Variants in ADGRD2 observed in about 807,000 individuals in gnomAD.
ADGRD2 encodes G protein-coupled receptor PGR24.
In ADGRD2, 71 loss-of-function variants were observed where a neutral mutation model predicts 44.4. The observed-to-expected ratio is 1.60, with a 90% CI of 1.32 to 1.95. The LOEUF is 1.95. ADGRD2 is among the 30% of genes most tolerant of loss of function. The pLI is 0.00. For synonymous variants in ADGRD2, 481 were observed against 224.8 expected, an observed-to-expected ratio of 2.14 and a Z score of -10.19; for missense variants, 1,039 against 512.4, an observed-to-expected ratio of 2.03 and a Z score of -9.92.
At chr9:124,453,869 C>CA in intron 3 of ADGRD2, 130 bp from the exon 7 acceptor site, 1 of 598,316 alleles carries the variant, frequency 1.7e-6, no homozygotes, top group Non-Finnish European at 3.0e-6. Context: ...CCCCGGCCCC[C>CA]TTACCCCCAC....
intron 6 of ADGRD2, among the ~76,000 whole-genome samples, chr9:124,455,708 G>T (rs1831603196): frequency 6.6e-6 from 1 of 152,310 alleles, no homozygotes; most frequent in Admixed American, 6.5e-5. Flanking sequence ...CCTTAAGTGG[G>T]GGATCTATGC....
At chr9:124,475,362 G>A (rs1431957757) in intron 17 of ADGRD2, 84 bp from the exon 21 acceptor site, 2 of 661,624 alleles carry the variant, frequency 3.0e-6, no homozygotes, top group Admixed American at 2.4e-5. Context: ...GCCACTGGGA[G>A]GCGCCGGGAC....
upstream of ADGRD2, chr9:124,450,995 G>T (rs188830122): frequency 1.1e-5 from 5 of 464,962 alleles, no homozygotes; most frequent in African/African-American, 6.0e-5. Context: ...CAGGGTTAGG[G>T]TATCCCCGCT....
chr9:124,468,466 C>T (rs1831875836), intron 13 of ADGRD2, 53 bp from the exon 17 acceptor site: 1 of 716,420 alleles, frequency 1.4e-6, no homozygotes, highest in African/African-American at 1.7e-5. Flanking sequence ...GCGGGGCTGG[C>T]CTGCACCTGC....
intron 10 of ADGRD2, chr9:124,465,209 A>C (rs1831795858): frequency 6.6e-6 from 1 of 151,972 alleles, no homozygotes; most frequent in Non-Finnish European, 1.5e-5. Flanking sequence ...TCCCATCCAC[A>C]CTCACAACTG....
chr9:124,468,458 G>T, intron 13 of ADGRD2, 61 bp from the exon 17 acceptor site: 1 of 715,548 alleles, frequency 1.4e-6, no homozygotes. Flanking sequence ...CATGGGCCGC[G>T]GGGCTGGCCT....
At chr9:124,467,956 G>A in intron 12 of ADGRD2, 132 bp downstream of exon 15, 1 of 700,674 alleles carries the variant, frequency 1.4e-6, no homozygotes. Context: ...CTTAGGATGT[G>A]CTGGGTCCCC....
exon 14 of ADGRD2, chr9:124,468,603 T>C (rs201255740): frequency 5.7e-4 from 408 of 718,490 alleles, no homozygotes; most frequent in Middle Eastern, 5.5e-3. Context: ...GCTGCTGCTG[T>C]GGAGGAAGGT....
At chr9:124,471,276 C>T (rs1187798739) in intron 17 of ADGRD2, among the ~76,000 whole-genome samples, 1 of 152,052 alleles carries the variant, frequency 6.6e-6, no homozygotes, top group Non-Finnish European at 1.5e-5. Flanking sequence ...ACCCCCCAGG[C>T]ACCTCTCCCT....
intron 21 of ADGRD2, 22 bp from the exon 25 acceptor site, chr9:124,478,259 C>T (rs1401415387): frequency 6.6e-6 from 1 of 152,648 alleles, no homozygotes; most frequent in African/African-American, 2.4e-5. Flanking sequence ...AGCCCAGCCC[C>T]AAGGGCGCAC....
intron 10 of ADGRD2, among the ~76,000 whole-genome samples, chr9:124,459,145 C>T (rs4838179): frequency 0.67 from 102,259 of 152,098 alleles, 35,000 homozygotes; most frequent in African/African-American, 0.81. Context: ...CATATGAATG[C>T]GCTTCATACA....
chr9:124,453,620 C>T, exon 3 of ADGRD2: 1 of 701,390 alleles, frequency 1.4e-6, no homozygotes, highest in Non-Finnish European at 2.6e-6. Flanking sequence ...GACCCGGGCG[C>T]CCTGGACGTC....
At chr9:124,462,134 T>A (rs745600598) in intron 10 of ADGRD2, among the ~76,000 whole-genome samples, 12 of 152,108 alleles carry the variant, frequency 7.9e-5, no homozygotes, top group Non-Finnish European at 1.0e-4. Flanking sequence ...CACGGCTCAC[T>A]GTAGGTTCGA....
intron 9 of ADGRD2, 59 bp from the exon 13 acceptor site, chr9:124,458,557 G>A (rs1000390213): frequency 3.6e-5 from 25 of 699,280 alleles, no homozygotes; most frequent in Middle Eastern, 2.3e-4. Flanking sequence ...GTGACATGCC[G>A]CAGCCAGGCA....
At chr9:124,471,212 G>A (rs1263441496) in intron 17 of ADGRD2, among the ~76,000 whole-genome samples, 2 of 152,264 alleles carry the variant, frequency 1.3e-5, no homozygotes, top group Non-Finnish European at 2.9e-5. Flanking sequence ...GCTGGGTGCT[G>A]GGAGTCAGGG....
chr9:124,471,783 C>A (rs1256756799), intron 17 of ADGRD2, among the ~76,000 whole-genome samples: 3 of 152,218 alleles, frequency 2.0e-5, no homozygotes, highest in Non-Finnish European at 4.4e-5. Context: ...GGGTGCCAGG[C>A]CGCAGCAGCA....
At chr9:124,453,395 G>T in exon 3 of ADGRD2, 1 of 583,574 alleles carries the variant, frequency 1.7e-6, no homozygotes. Context: ...CGGCGCGCTG[G>T]GGCGCGGGGG....
chr9:124,476,999 G>C, intron 21 of ADGRD2: 1 of 660,970 alleles, frequency 1.5e-6, no homozygotes, highest in Non-Finnish European at 2.9e-6. Flanking sequence ...CTCTGCCCAG[G>C]GGGGCGCTGC....
At chr9:124,451,654 C>T (rs777550360), upstream of ADGRD2, 10 of 262,706 alleles carry the variant, frequency 3.8e-5, no homozygotes, top group East Asian at 1.1e-4. Flanking sequence ...TCACCTGCTC[C>T]GTTGGATCCA....
Sources: gnomAD v4.1 joint callset for allele counts (sites outside exome capture counted in the v4.1 genomes callset) on GRCh38, gnomAD v4.1.1 for gene constraint, MANE v1.5 for transcripts, NCBI Gene and HGNC (gene_info 2026-07-23, HGNC 2026-07-21) for gene names.